ZNF804B: variants seen among roughly 807,000 people sequenced by gnomAD.
ZNF804B encodes zinc finger protein 804B.
ZNF804B carries 80 observed loss-of-function variants against 101.4 expected under a neutral mutation model. The observed-to-expected ratio is 0.79, with a 90% CI of 0.66 to 0.95. The LOEUF is 0.95. ZNF804B is among the 40% of genes least tolerant of loss of function. The probability of loss-of-function intolerance (pLI) is 0.00; values close to 1 mark genes in which losing one functional copy is unlikely to be tolerated. For synonymous variants in ZNF804B, 622 were observed against 558.8 expected (o/e 1.11, Z -1.59); for missense variants, 1,673 against 1,561.9 (o/e 1.07, Z -1.20).
chr7:89,000,263 A>G (rs368663185), intron 1 of ZNF804B, among the ~76,000 whole-genome samples: 3 of 152,142 alleles, frequency 2.0e-5, no homozygotes, highest in East Asian at 3.9e-4. Flanking sequence ...GTCTCATTTG[A>G]GGAAAGATGC....
chr7:89,287,994 T>C (rs1790233500), intron 2 of ZNF804B, among the ~76,000 whole-genome samples: 1 of 150,758 alleles, frequency 6.6e-6, no homozygotes, highest in Non-Finnish European at 1.5e-5. Context: ...CTGTACAGTA[T>C]ATCATTACAA....
chr7:88,944,117 C>A (rs1406215194), intron 1 of ZNF804B, among the ~76,000 whole-genome samples: 1 of 151,364 alleles, frequency 6.6e-6, no homozygotes, highest in Non-Finnish European at 1.5e-5. Flanking sequence ...AATAAAAATC[C>A]AGGAGATATT....
At chr7:88,769,992 GT>G (rs762905617) in intron 1 of ZNF804B, among the ~76,000 whole-genome samples, 54 of 152,086 alleles carry the variant, frequency 3.6e-4, no homozygotes, top group Non-Finnish European at 6.0e-4. Context: ...AAGAGAATCT[GT>G]TTATTTTTAT....
At chr7:89,327,294 G>C (rs758213032) in intron 2 of ZNF804B, 50 bp from the exon 3 acceptor site, 1 of 1,512,844 alleles carries the variant, frequency 6.6e-7, no homozygotes, top group Non-Finnish European at 8.9e-7. Flanking sequence ...GGATGGAAAA[G>C]AATATATTAT....
rs202233181 is a variant in ZNF804B at position 89,277,016 on chromosome 7, AC to A, written c.250-50327del. ...ATCTGGAATTTGCTAGCATTAGCAC[AC>A]AGAAATGTACACTCAAGTGATTTGA... On this transcript the variant is annotated intron_variant, in intron 2 of 3. Transcript: ENST00000333190. Among the ~76,000 whole-genome samples the A allele has an allele frequency of 5.2e-3, 794 of 151,434 alleles. 33 individuals carry two copies. The highest frequency in any genetic ancestry group is 0.018 in the African/African-American group (752 of 41,174).
At chr7:89,206,575 A>C (rs34120140) in intron 1 of ZNF804B, among the ~76,000 whole-genome samples, 6,838 of 152,094 alleles carry the variant, frequency 0.045, 147 homozygotes, top group South Asian at 0.072. Context: ...AATGTGGTGA[A>C]ACCCTGTCTC....
intron 1 of ZNF804B, among the ~76,000 whole-genome samples, chr7:89,174,057 CA>C (rs979102944): frequency 3.3e-5 from 5 of 151,990 alleles, no homozygotes; most frequent in Non-Finnish European, 5.9e-5. Flanking sequence ...TCCATCGCCT[CA>C]AGCATTTATC....
At chr7:89,151,200 A>G (rs1790869964) in intron 1 of ZNF804B, among the ~76,000 whole-genome samples, 1 of 152,096 alleles carries the variant, frequency 6.6e-6, no homozygotes, top group African/African-American at 2.4e-5. Flanking sequence ...GGAATACTAC[A>G]ATTGACTCCT....
chr7:88,800,347 G>T (rs545180058), intron 1 of ZNF804B, among the ~76,000 whole-genome samples: 2 of 152,022 alleles, frequency 1.3e-5, no homozygotes, highest in Admixed American at 1.3e-4. Context: ...ATAGTATTAC[G>T]GAACAGTGTT....
intron 1 of ZNF804B, among the ~76,000 whole-genome samples, chr7:88,922,414 G>C (rs768733479): frequency 1.5e-4 from 23 of 151,830 alleles, no homozygotes; most frequent in Non-Finnish European, 2.2e-4. Flanking sequence ...GTTTACATTT[G>C]AATTTTTACT....
chr7:89,191,878 G>A (rs887552627), intron 1 of ZNF804B, among the ~76,000 whole-genome samples: 9 of 152,022 alleles, frequency 5.9e-5, no homozygotes, highest in East Asian at 1.9e-4. Context: ...AGTTCATCCC[G>A]TAAGAATAGC....
intron 1 of ZNF804B, among the ~76,000 whole-genome samples, chr7:88,767,670 A>C (rs571457249): frequency 2.6e-5 from 4 of 152,310 alleles, no homozygotes; most frequent in South Asian, 4.1e-4. Context: ...TTGCATTCAC[A>C]TTCTCTAAAA....
chr7:89,215,883 C>CAAAATAAATAAATAAA lies in ZNF804B; in HGVS notation c.109-2272_109-2271insAAAATAAATAAATAAA, dbSNP rs1554379473. Among the ~76,000 whole-genome samples the CAAAATAAATAAATAAA allele has an allele frequency of 2.7e-3, 381 of 143,156 alleles. 1 individual carries two copies. Among genetic ancestry groups the CAAAATAAATAAATAAA allele is most frequent in the South Asian group, 5.6e-3 (25 of 4,478 alleles). 93.9% of individuals were successfully genotyped at this position (143,156 alleles called of 152,430 possible). A position where few individuals can be genotyped will look rare whatever the true frequency, so the allele number is the denominator to read the frequency against. ...TGGGCAACAGAGAGAGACTCCGTCT[C>CAAAATAAATAAATAAA]TAAATAAATAAATAAATAAATAAAT... On this transcript the variant is annotated intron_variant, in intron 1 of 3. Transcript: ENST00000333190.
chr7:88,939,165 T>C lies in ZNF804B; in HGVS notation c.108+179081T>C, dbSNP rs561934545. On this transcript the variant is annotated intron_variant, in intron 1 of 3. Coordinates refer to ENST00000333190, the MANE Select transcript of ZNF804B (RefSeq NM_181646.5). ...TGGGGATTGTTTTCAGGAACCCCCC[T>C]GGGATACCAAAATTTATAGATGTTC... is the stretch of plus-strand genomic sequence containing the variant. Among the ~76,000 whole-genome samples, 278 of 152,152 alleles carry C rather than the reference T, an allele frequency of 1.8e-3. 1 individual carries two copies. The highest frequency in any genetic ancestry group is 6.5e-3 in the African/African-American group (272 of 41,558).
chr7:88,938,153 A>G (rs1275617516), intron 1 of ZNF804B, among the ~76,000 whole-genome samples: 1 of 152,052 alleles, frequency 6.6e-6, no homozygotes, highest in Non-Finnish European at 1.5e-5. Context: ...GGTGAATTTA[A>G]ACATTTTCTG....
At chr7:88,824,542 C>T (rs1249588216) in intron 1 of ZNF804B, among the ~76,000 whole-genome samples, 5 of 152,166 alleles carry the variant, frequency 3.3e-5, no homozygotes, top group African/African-American at 9.6e-5. Flanking sequence ...CAGACTGATA[C>T]GTGGGGCTAC....
At chr7:89,094,121 C>T (rs1306164520) in intron 1 of ZNF804B, among the ~76,000 whole-genome samples, 2 of 152,130 alleles carry the variant, frequency 1.3e-5, no homozygotes, top group African/African-American at 2.4e-5. Flanking sequence ...AATGAAGATG[C>T]GGCTAATATT....
At chr7:88,924,842 C>T (rs1034983655) in intron 1 of ZNF804B, among the ~76,000 whole-genome samples, 3 of 152,082 alleles carry the variant, frequency 2.0e-5, no homozygotes, top group Non-Finnish European at 4.4e-5. Flanking sequence ...TTTGTGCCCC[C>T]GCACACCCAA....
intron 1 of ZNF804B, among the ~76,000 whole-genome samples, chr7:88,856,341 C>G (rs1314512718): frequency 6.6e-6 from 1 of 152,108 alleles, no homozygotes; most frequent in Non-Finnish European, 1.5e-5. Context: ...AAGTTGTATT[C>G]ATAGGTATTT....
Sources: allele counts gnomAD v4.1 joint callset (sites outside exome capture counted in the v4.1 genomes callset), GRCh38; gene constraint gnomAD v4.1.1; transcripts MANE v1.5; gene names NCBI Gene and HGNC (gene_info 2026-07-23, HGNC 2026-07-21).